SNX30: variants seen among roughly 807,000 people sequenced by gnomAD.
SNX30 encodes sorting nexin family member 30.
Under a neutral mutation model 46.4 loss-of-function variants are expected in SNX30, and 24 were observed. That is an observed-to-expected ratio of 0.52 (90% CI 0.37 to 0.73). The LOEUF (loss-of-function observed/expected upper bound fraction) is 0.73. SNX30 is among the 30% of genes least tolerant of loss of function. The probability of loss-of-function intolerance (pLI) is 0.00; values close to 1 mark genes in which losing one functional copy is unlikely to be tolerated. For missense variants in SNX30, 533 were observed against 555.7 expected, an observed-to-expected ratio of 0.96 and a Z score of 0.41; for synonymous variants, 189 against 211.5, an observed-to-expected ratio of 0.89 and a Z score of 0.92.
intron 2 of SNX30, among the ~76,000 whole-genome samples, chr9:112,813,774 C>T: frequency 6.7e-6 from 1 of 148,218 alleles, no homozygotes; most frequent in Non-Finnish European, 1.5e-5. Flanking sequence ...ACTCCTGGCT[C>T]TTATCTAAAT....
intron 2 of SNX30, among the ~76,000 whole-genome samples, 194 bp downstream of exon 2, chr9:112,805,161 TAGAA>T (rs1179050530): frequency 6.6e-6 from 1 of 152,216 alleles, no homozygotes; most frequent in Non-Finnish European, 1.5e-5. Context: ...TTTTAAATCT[TAGAA>T]TGAGGAAGAA....
intron 6 of SNX30, among the ~76,000 whole-genome samples, chr9:112,843,202 G>T (rs899811032): frequency 6.6e-6 from 1 of 152,174 alleles, no homozygotes; most frequent in Non-Finnish European, 1.5e-5. Flanking sequence ...CATAGAAGGT[G>T]GTCAGCAAGC....
At chr9:112,823,496 G>C (rs551162812) in intron 3 of SNX30, among the ~76,000 whole-genome samples, 1 of 152,194 alleles carries the variant, frequency 6.6e-6, no homozygotes, top group African/African-American at 2.4e-5. Flanking sequence ...TAGTTACACA[G>C]CAGAGCAATT....
At chr9:112,751,445 G>A (rs1839275187) in intron 1 of SNX30, among the ~76,000 whole-genome samples, 2 of 152,310 alleles carry the variant, frequency 1.3e-5, no homozygotes, top group African/African-American at 2.4e-5. Context: ...GTGTGTTCAG[G>A]GCAGGGCGCC....
intron 8 of SNX30, among the ~76,000 whole-genome samples, chr9:112,865,630 T>C (rs1588143560): frequency 2.7e-5 from 1 of 36,862 alleles, no homozygotes; most frequent in Admixed American, 2.3e-4. Context: ...ACGCCATATA[T>C]ATATATATAT....
chr9:112,774,039 C>T (rs1839697702), intron 1 of SNX30, among the ~76,000 whole-genome samples: 1 of 152,210 alleles, frequency 6.6e-6, no homozygotes, highest in South Asian at 2.1e-4. Context: ...AATTCTCTCC[C>T]AGAGGAAATG....
chr9:112,837,559 G>A (rs192600783), intron 5 of SNX30, among the ~76,000 whole-genome samples: 4,175 of 151,298 alleles, frequency 0.028, 100 homozygotes, highest in Non-Finnish European at 0.039. Flanking sequence ...CACTGCAAGC[G>A]CCGCCTCCCG....
downstream of SNX30, among the ~76,000 whole-genome samples, chr9:112,884,249 G>T (rs1006891477): frequency 6.6e-6 from 1 of 152,222 alleles, no homozygotes; most frequent in African/African-American, 2.4e-5. Context: ...CGAGGAAGGG[G>T]ATGCTGACTG....
At chr9:112,864,109 A>G (rs1841280166) in intron 7 of SNX30, 138 bp from the exon 8 acceptor site, 4 of 889,650 alleles carry the variant, frequency 4.5e-6, no homozygotes, top group Non-Finnish European at 6.8e-6. Flanking sequence ...TTTCAAATAA[A>G]TGCCTCCAGA....
chr9:112,873,701 T>C lies in SNX30; in HGVS notation c.*4858T>C, dbSNP rs1841480999. ...GGCATACTTTTGATTTTAGAGGATA[T>C]AGTATCGGCATTGACAAATCACGTA... On this transcript the variant is annotated 3_prime_UTR_variant, in exon 9 of 9. Coordinates refer to ENST00000374232, the MANE Select transcript of SNX30 (RefSeq NM_001012994.2). 1 of 151,972 alleles carries C rather than the reference T, an allele frequency of 6.6e-6. No individual in the cohort carries two copies. Among genetic ancestry groups the C allele is most frequent in the African/African-American group, 2.4e-5 (1 of 41,374 alleles). The allele number at this position is 151,972 out of a possible 1,614,324, so 9.4% of individuals were successfully genotyped here. A position where few individuals can be genotyped will look rare whatever the true frequency, so the allele number is the denominator to read the frequency against.
intron 5 of SNX30, among the ~76,000 whole-genome samples, chr9:112,838,163 T>TAAA (rs1164024129): frequency 6.6e-6 from 1 of 152,116 alleles, no homozygotes; most frequent in Non-Finnish European, 1.5e-5. Flanking sequence ...GTGCTGGGAT[T>TAAA]ACAGGTATGA....
chr9:112,809,605 C>G (rs1840285967), intron 2 of SNX30, among the ~76,000 whole-genome samples: 1 of 151,936 alleles, frequency 6.6e-6, no homozygotes, highest in African/African-American at 2.4e-5. Context: ...CCAACTAGTT[C>G]CTCTTTCTAA....
intron 8 of SNX30, among the ~76,000 whole-genome samples, chr9:112,865,661 A>ATATT: frequency 9.5e-6 from 1 of 105,702 alleles, no homozygotes; most frequent in Non-Finnish European, 1.9e-5. Context: ...ATATATATAT[A>ATATT]TGTATGTATG....
At chr9:112,856,441 G>T (rs1841130563) in intron 7 of SNX30, among the ~76,000 whole-genome samples, 2 of 150,108 alleles carry the variant, frequency 1.3e-5, no homozygotes, top group African/African-American at 4.9e-5. Flanking sequence ...GTGGGGGTGG[G>T]TGTGGTGTTT....
Position 112,807,412 on chromosome 9 carries a change from A to G in SNX30, c.348+2445A>G, listed in dbSNP as rs576653833. Among the ~76,000 whole-genome samples, 8 of 152,250 alleles carry G rather than the reference A, an allele frequency of 5.3e-5. No individual in the cohort carries two copies. In the East Asian group the frequency reaches 9.6e-4, roughly 18 times the overall value. The stretch of plus-strand genomic sequence containing the variant: ...CAGGTTCGCATGTAAAGATATGTCT[A>G]TGTAAGTACGTGTGCACATGCATAG... On this transcript the variant is annotated intron_variant, in intron 2 of 8. Transcript: ENST00000374232.
intron 1 of SNX30, among the ~76,000 whole-genome samples, chr9:112,798,121 C>CTTTTTTTTT (rs57300324): frequency 6.4e-5 from 5 of 77,876 alleles, no homozygotes; most frequent in Non-Finnish European, 1.2e-4. Context: ...TTTTTTTTTT[C>CTTTTTTTTT]TTTTTTTTTT....
intron 6 of SNX30, among the ~76,000 whole-genome samples, chr9:112,843,273 C>G (rs1241660052): frequency 6.6e-6 from 1 of 152,116 alleles, no homozygotes; most frequent in Non-Finnish European, 1.5e-5. Context: ...AATGATTGCA[C>G]ATTGTACATC....
At chr9:112,755,282 TGAA>T (rs1457021126) in intron 1 of SNX30, among the ~76,000 whole-genome samples, 3 of 152,092 alleles carry the variant, frequency 2.0e-5, no homozygotes, top group African/African-American at 7.2e-5. Flanking sequence ...GGTGAGTATC[TGAA>T]GAAGACTGTC....
At chr9:112,846,008 G>A (rs1840935636) in intron 6 of SNX30, among the ~76,000 whole-genome samples, 2 of 152,006 alleles carry the variant, frequency 1.3e-5, no homozygotes, top group Non-Finnish European at 2.9e-5. Flanking sequence ...CCATAAAACA[G>A]TAATTTTTAA....
Sources: gnomAD v4.1 joint callset for allele counts (sites outside exome capture counted in the v4.1 genomes callset) on GRCh38, gnomAD v4.1.1 for gene constraint, MANE v1.5 for transcripts, NCBI Gene and HGNC (gene_info 2026-07-23, HGNC 2026-07-21) for gene names.